The following ENOX2 variants were observed in gnomAD, a reference collection of about 807,000 sequenced individuals.
ENOX2 encodes the protein ecto-NOX disulfide-thiol exchanger 2, also known as APK1 antigen.
A neutral mutation model predicts 45.0 loss-of-function variants in ENOX2; 36 were observed. The ratio of observed to expected loss-of-function variants is 0.80; its 90% CI spans 0.61 to 1.06. The LOEUF (loss-of-function observed/expected upper bound fraction) is 1.06. Ranked by LOEUF, ENOX2 falls within the 50% of genes least tolerant of loss-of-function variation. ENOX2 has a pLI of 0.00. For synonymous variants in ENOX2, 174 were observed against 152.3 expected (o/e 1.14, Z -1.05); for missense variants, 423 against 462.5 (o/e 0.91, Z 0.78).
chrX:130,901,945 C>G (rs1449234622), intron 1 of ENOX2, among the ~76,000 whole-genome samples: 1 of 111,649 alleles, frequency 9.0e-6, no homozygotes, highest in South Asian at 3.7e-4. Context: ...TTCTGTTTAC[C>G]CTTCTCAAAG....
intron 4 of ENOX2, among the ~76,000 whole-genome samples, chrX:130,697,270 A>G (rs1413361362): frequency 9.0e-6 from 1 of 111,688 alleles, no homozygotes; most frequent in East Asian, 2.8e-4. Flanking sequence ...TTCTCTGACC[A>G]CTGCCATCTA....
chrX:130,866,791 G>A (rs1313263600), intron 2 of ENOX2, among the ~76,000 whole-genome samples: 3 of 110,636 alleles, frequency 2.7e-5, no homozygotes, highest in Non-Finnish European at 5.7e-5. Context: ...CATTGTCTCA[G>A]CTTTCTTATA....
At chrX:130,829,767 G>C (rs1454471523) in intron 2 of ENOX2, among the ~76,000 whole-genome samples, 1 of 111,880 alleles carries the variant, frequency 8.9e-6, no homozygotes, top group East Asian at 2.8e-4. Flanking sequence ...GCATTAAAAG[G>C]TGAAATGACT....
At chrX:130,625,935 C>CAA (rs2035535245) in intron 14 of ENOX2, among the ~76,000 whole-genome samples, 1 of 111,142 alleles carries the variant, frequency 9.0e-6, no homozygotes. Context: ...CACACACACA[C>CAA]ACACACACAC....
intron 2 of ENOX2, among the ~76,000 whole-genome samples, chrX:130,843,066 T>C (rs1004265785): frequency 1.8e-5 from 2 of 111,735 alleles, no homozygotes; most frequent in Admixed American, 9.5e-5. Context: ...CTTCAAATCA[T>C]ATCACTATAT....
intron 2 of ENOX2, among the ~76,000 whole-genome samples, chrX:130,874,139 T>C (rs901556375): frequency 1.9e-4 from 21 of 112,411 alleles, no homozygotes; most frequent in Non-Finnish European, 2.8e-4. Context: ...CAAATCCTGA[T>C]TGAATGCTCT....
At chrX:130,799,373 T>C (rs150615385) in intron 2 of ENOX2, among the ~76,000 whole-genome samples, 1 of 112,193 alleles carries the variant, frequency 8.9e-6, no homozygotes, top group East Asian at 2.8e-4. Context: ...CCCTAACTTT[T>C]GAGGTTTTGG....
chrX:130,661,223 C>T (rs949327065), intron 9 of ENOX2, among the ~76,000 whole-genome samples: 1 of 105,353 alleles, frequency 9.5e-6, no homozygotes, highest in Admixed American at 1.0e-4. Flanking sequence ...GGGTCTTGCT[C>T]TGTTGCCCAG....
At chrX:130,802,398 C>T (rs1603353578) in intron 2 of ENOX2, among the ~76,000 whole-genome samples, 1 of 112,022 alleles carries the variant, frequency 8.9e-6, no homozygotes, top group Non-Finnish European at 1.9e-5. Flanking sequence ...GAAGCAGCCG[C>T]GAAAGAAGAA....
At chrX:130,668,601 G>C (rs922220777) in intron 7 of ENOX2, among the ~76,000 whole-genome samples, 10 of 111,720 alleles carry the variant, frequency 9.0e-5, no homozygotes, top group Non-Finnish European at 1.5e-4. Flanking sequence ...AAAGGCTCCA[G>C]AGAGGGAGAG....
chrX:130,632,487 T>C (rs1236881703), intron 12 of ENOX2, among the ~76,000 whole-genome samples: 1 of 109,930 alleles, frequency 9.1e-6, no homozygotes, highest in Non-Finnish European at 1.9e-5. Context: ...GAATATCTTT[T>C]CTGTTATTAT....
intron 2 of ENOX2, among the ~76,000 whole-genome samples, chrX:130,819,292 T>C (rs1176568438): frequency 9.0e-6 from 1 of 111,709 alleles, no homozygotes; most frequent in Non-Finnish European, 1.9e-5. Context: ...GTAAATTAGT[T>C]CACCTATTGT....
intron 12 of ENOX2, among the ~76,000 whole-genome samples, chrX:130,633,531 A>G (rs1387348471): frequency 2.7e-5 from 3 of 112,923 alleles, no homozygotes; most frequent in Non-Finnish European, 5.6e-5. Flanking sequence ...ATCAGCCAAC[A>G]CTTCATGGTC....
chrX:130,889,384 T>G (rs1367229795), intron 2 of ENOX2, among the ~76,000 whole-genome samples: 2 of 112,396 alleles, frequency 1.8e-5, no homozygotes, highest in Non-Finnish European at 3.8e-5. Context: ...CCCATCCTAC[T>G]TCTTGTAAGA....
intron 3 of ENOX2, among the ~76,000 whole-genome samples, chrX:130,712,448 T>C (rs1045511386): frequency 1.5e-4 from 17 of 111,802 alleles, no homozygotes; most frequent in African/African-American, 5.2e-4. Flanking sequence ...TCTCTGGTAT[T>C]GGGCAAGTGG....
At chrX:130,739,468 T>C (rs921675606) in intron 3 of ENOX2, among the ~76,000 whole-genome samples, 6 of 112,635 alleles carry the variant, frequency 5.3e-5, no homozygotes, top group African/African-American at 1.9e-4. Context: ...AGTAACCCCA[T>C]CTTTAAGTTG....
At chrX:130,842,825 C>T (rs184457198) in intron 2 of ENOX2, among the ~76,000 whole-genome samples, 164 of 111,482 alleles carry the variant, frequency 1.5e-3, no homozygotes, top group Non-Finnish European at 1.3e-3. Context: ...CTTTATGCCT[C>T]ATTTATTCTT....
intron 9 of ENOX2, among the ~76,000 whole-genome samples, chrX:130,662,315 T>A (rs777907858): frequency 3.6e-4 from 40 of 112,422 alleles, no homozygotes; most frequent in African/African-American, 1.3e-3. Context: ...TTCTTCATAC[T>A]CCACATCCTT....
Position 130,757,785 on chromosome X carries a change from T to C in ENOX2, c.-39+25762A>G, listed in dbSNP as rs5977369. On this transcript the variant is annotated intron_variant, in intron 3 of 14. Coordinates refer to ENST00000394363, the MANE Select transcript of ENOX2 (RefSeq NM_006375.4). ...GTCTCACTCGGTTGCCCAAGCTGGA[T>C]TGCAGTGGCACAATCACAGCTCACT... 6.7e-3 allele frequency among the ~76,000 whole-genome samples: 736 copies of C among 110,663 alleles called. 9 individuals are homozygous for C. Among genetic ancestry groups the C allele is most frequent in the African/African-American group, 0.023 (692 of 30,450 alleles).
Sources: gnomAD v4.1 joint callset for allele counts (sites outside exome capture counted in the v4.1 genomes callset) on GRCh38, gnomAD v4.1.1 for gene constraint, MANE v1.5 for transcripts, NCBI Gene and HGNC (gene_info 2026-07-23, HGNC 2026-07-21) for gene names.